SH3RF3: variants seen among roughly 807,000 people sequenced by gnomAD.
SH3RF3 encodes E3 ubiquitin-protein ligase SH3RF3.
A neutral mutation model predicts 66.3 loss-of-function variants in SH3RF3; 29 were observed. The ratio of observed to expected loss-of-function variants is 0.44; its 90% CI spans 0.33 to 0.60. SH3RF3 has a LOEUF of 0.60. Ranked by LOEUF, SH3RF3 falls within the 20% of genes least tolerant of loss-of-function variation. The pLI is 0.04. For synonymous variants in SH3RF3, 583 were observed against 532.0 expected (o/e 1.10, Z -1.32); for missense variants, 1,194 against 1,190.9 (o/e 1.00, Z -0.04).
intron 9 of SH3RF3, among the ~76,000 whole-genome samples, chr2:109,499,546 T>TGGGA (rs1679337051): frequency 1.3e-5 from 2 of 152,220 alleles, no homozygotes; most frequent in South Asian, 4.2e-4. Context: ...CCTGTGGAGT[T>TGGGA]TCCCCAGGGC....
At chr2:109,385,874 G>T (rs1675809831) in intron 3 of SH3RF3, among the ~76,000 whole-genome samples, 1 of 149,080 alleles carries the variant, frequency 6.7e-6, no homozygotes, top group African/African-American at 2.5e-5. Flanking sequence ...TATTTAAAAA[G>T]AGATGGACGT....
At chr2:109,460,014 A>C (rs1336122555) in intron 8 of SH3RF3, among the ~76,000 whole-genome samples, 6 of 152,190 alleles carry the variant, frequency 3.9e-5, no homozygotes, top group African/African-American at 1.4e-4. Context: ...TGGTGCTGTA[A>C]CTGAGTCTTC....
chr2:109,402,226 C>T (rs1041523153), intron 4 of SH3RF3, among the ~76,000 whole-genome samples: 2 of 152,228 alleles, frequency 1.3e-5, no homozygotes, highest in African/African-American at 4.8e-5. Context: ...TGGCCATGTG[C>T]GTCTGACCAG....
intron 8 of SH3RF3, among the ~76,000 whole-genome samples, chr2:109,457,408 A>G (rs565749743): frequency 2.0e-5 from 3 of 152,238 alleles, no homozygotes; most frequent in Non-Finnish European, 2.9e-5. Flanking sequence ...ACCAAAATGC[A>G]TTTTTAAAAT....
chr2:109,411,339 A>G (rs1676583598), intron 4 of SH3RF3, among the ~76,000 whole-genome samples: 1 of 152,174 alleles, frequency 6.6e-6, no homozygotes, highest in South Asian at 2.1e-4. Context: ...CCCTGCAGTT[A>G]GTTCCTGCCA....
intron 1 of SH3RF3, among the ~76,000 whole-genome samples, chr2:109,296,750 G>A (rs1231478119): frequency 1.5e-4 from 23 of 152,172 alleles, no homozygotes; most frequent in Admixed American, 1.4e-3. Flanking sequence ...GAGGATTCGC[G>A]TGGCCTGGGA....
chr2:109,325,642 TC>T (rs1432251057), intron 1 of SH3RF3, among the ~76,000 whole-genome samples: 1 of 152,208 alleles, frequency 6.6e-6, no homozygotes, highest in Non-Finnish European at 1.5e-5. Flanking sequence ...AGCAGCCTGT[TC>T]CATTCTCAGC....
intron 1 of SH3RF3, among the ~76,000 whole-genome samples, chr2:109,164,529 G>A (rs531709454): frequency 2.0e-5 from 3 of 152,238 alleles, no homozygotes; most frequent in East Asian, 1.9e-4. Context: ...AAGCCTGGCT[G>A]TTTCCCAGTT....
At chr2:109,405,501 C>G (rs544349273) in intron 4 of SH3RF3, among the ~76,000 whole-genome samples, 1 of 152,226 alleles carries the variant, frequency 6.6e-6, no homozygotes, top group Admixed American at 6.5e-5. Flanking sequence ...TCCCTGCGCA[C>G]CACGCTGCTC....
In SH3RF3 at chr2:109,499,410, G is replaced by T. The variant is rs569303624; in HGVS notation, c.2481-2093G>T. Among the ~76,000 whole-genome samples the T allele has an allele frequency of 1.6e-3, 243 of 152,342 alleles. 2 individuals are homozygous for T. The highest frequency in any genetic ancestry group is 5.7e-3 in the African/African-American group (237 of 41,582). On this transcript the variant is annotated intron_variant, in intron 9 of 9. Transcript: ENST00000309415. ...AAAATCCACCACATGTGGGATCTGGGCTTTAGATGTGCGGTCCAACACCCT... is the reference window on the plus strand; with the variant it reads ...AAAATCCACCACATGTGGGATCTGGTCTTTAGATGTGCGGTCCAACACCCT...
intron 4 of SH3RF3, among the ~76,000 whole-genome samples, chr2:109,408,520 G>A (rs1159567394): frequency 2.0e-5 from 3 of 152,192 alleles, no homozygotes; most frequent in Non-Finnish European, 2.9e-5. Flanking sequence ...TCCCACACGC[G>A]CTCACGCCCA....
intron 1 of SH3RF3, among the ~76,000 whole-genome samples, chr2:109,219,118 T>G (rs1309125722): frequency 6.6e-6 from 1 of 152,212 alleles, no homozygotes; most frequent in African/African-American, 2.4e-5. Flanking sequence ...TGACTGGCTT[T>G]GTGGAGTTCC....
At chr2:109,437,629 A>G (rs1380619279) in intron 7 of SH3RF3, among the ~76,000 whole-genome samples, 1 of 152,100 alleles carries the variant, frequency 6.6e-6, no homozygotes, top group African/African-American at 2.4e-5. Context: ...GGCTGGGGTG[A>G]GACTCGGGCC....
intron 1 of SH3RF3, among the ~76,000 whole-genome samples, chr2:109,279,231 C>A (rs1026848271): frequency 1.3e-5 from 2 of 152,158 alleles, no homozygotes; most frequent in Non-Finnish European, 2.9e-5. Context: ...TTGTCGAGAG[C>A]CCTGCTGACT....
At chr2:109,354,916 C>A (rs1255436426) in intron 2 of SH3RF3, among the ~76,000 whole-genome samples, 1 of 152,152 alleles carries the variant, frequency 6.6e-6, no homozygotes, top group African/African-American at 2.4e-5. Flanking sequence ...GTAGTATTTA[C>A]GAAGCTTAGG....
At chr2:109,426,341 A>C (rs1036095309) in intron 5 of SH3RF3, among the ~76,000 whole-genome samples, 2 of 152,212 alleles carry the variant, frequency 1.3e-5, no homozygotes, top group Non-Finnish European at 2.9e-5. Flanking sequence ...GATTCATGGG[A>C]GGAGGTCAAA....
At chr2:109,278,372 G>A (rs1406891660) in intron 1 of SH3RF3, among the ~76,000 whole-genome samples, 1 of 152,180 alleles carries the variant, frequency 6.6e-6, no homozygotes, top group Non-Finnish European at 1.5e-5. Flanking sequence ...GGGCTTGCCA[G>A]TCTGCAGTGG....
At chr2:109,400,484 C>T (rs916884921) in intron 4 of SH3RF3, among the ~76,000 whole-genome samples, 27 of 152,046 alleles carry the variant, frequency 1.8e-4, no homozygotes, top group African/African-American at 6.3e-4. Flanking sequence ...CACACACATG[C>T]GTACAGGTGC....
intron 4 of SH3RF3, among the ~76,000 whole-genome samples, chr2:109,412,791 C>G (rs1399030140): frequency 6.6e-6 from 1 of 152,232 alleles, no homozygotes; most frequent in Non-Finnish European, 1.5e-5. Context: ...TCCCAAAAGG[C>G]AACTCCCCAA....
Sources: allele counts gnomAD v4.1 joint callset (sites outside exome capture counted in the v4.1 genomes callset), GRCh38; gene constraint gnomAD v4.1.1; transcripts MANE v1.5; gene names NCBI Gene and HGNC (gene_info 2026-07-23, HGNC 2026-07-21).